Variants in FAM135B observed in about 807,000 individuals in gnomAD.
FAM135B encodes family with sequence similarity 135 member B, also known as protein FAM135B.
A neutral mutation model predicts 127.7 loss-of-function variants in FAM135B; 43 were observed. That is an observed-to-expected ratio of 0.34 (90% confidence interval 0.26 to 0.43). The LOEUF is 0.43. Among genes scored for constraint, FAM135B ranks in the 20% least tolerant of loss-of-function variants. The pLI is 1.00. For missense variants in FAM135B, 1,558 were observed against 1,725.6 expected, an observed-to-expected ratio of 0.90 and a Z score of 1.72; for synonymous variants, 670 against 665.1, an observed-to-expected ratio of 1.01 and a Z score of -0.11.
At chr8:138,307,035 A>G (rs1006248520) in intron 3 of FAM135B, among the ~76,000 whole-genome samples, 1 of 151,944 alleles carries the variant, frequency 6.6e-6, no homozygotes, top group African/African-American at 2.4e-5. Context: ...TTACCTTCAC[A>G]CTGAATGTTC....
At position 138,309,858 on chromosome 8, in the gene FAM135B, C is replaced by CTTTTTTT. The variant is rs145453026; in HGVS notation, c.157+976_157+982dup. Among the ~76,000 whole-genome samples, 114 of 86,744 alleles carry CTTTTTTT rather than the reference C, an allele frequency of 1.3e-3. 2 individuals carry two copies. Among genetic ancestry groups the CTTTTTTT allele is most frequent in the East Asian group, 6.5e-3 (19 of 2,934 alleles). 56.9% of individuals were successfully genotyped at this position (86,744 alleles called of 152,430 possible). A position where few individuals can be genotyped will look rare whatever the true frequency, so the allele number is the denominator to read the frequency against. On this transcript the variant is annotated intron_variant, in intron 3 of 19. Transcript: ENST00000395297. ...CTACCCTACTCTTTAAGTCTTTCTA[C>CTTTTTTT]TTTTTTTTTTTTTTTTTTTTTTTTG...
intron 1 of FAM135B, chr8:138,425,588 T>G (rs984019738): frequency 2.0e-5 from 3 of 152,128 alleles, no homozygotes; most frequent in African/African-American, 7.2e-5. Flanking sequence ...CTCATTGGCT[T>G]AAATGAACAT....
intron 5 of FAM135B, among the ~76,000 whole-genome samples, chr8:138,252,382 T>C (rs192428437): frequency 1.1e-3 from 167 of 152,266 alleles, no homozygotes; most frequent in Non-Finnish European, 1.4e-3. Context: ...TGTTTCTGAG[T>C]TACTGCTCAC....
intron 5 of FAM135B, among the ~76,000 whole-genome samples, chr8:138,256,428 AG>A (rs574760090): frequency 6.7e-4 from 102 of 152,310 alleles, no homozygotes; most frequent in Non-Finnish European, 8.8e-5. Flanking sequence ...GTCAGACATG[AG>A]AAAGTGCCAG....
intron 4 of FAM135B, among the ~76,000 whole-genome samples, chr8:138,263,244 G>A (rs575899192): frequency 1.3e-5 from 2 of 152,268 alleles, no homozygotes; most frequent in South Asian, 4.2e-4. Flanking sequence ...TTGGAAAGTG[G>A]TCCGTACCCG....
intron 19 of FAM135B, among the ~76,000 whole-genome samples, chr8:138,135,221 G>A (rs1816543278): frequency 6.6e-6 from 1 of 152,106 alleles, no homozygotes. Flanking sequence ...CTTTACCAAG[G>A]TTGAAATGTC....
intron 7 of FAM135B, among the ~76,000 whole-genome samples, chr8:138,234,390 A>T (rs868572379): frequency 6.6e-6 from 1 of 152,216 alleles, no homozygotes; most frequent in Non-Finnish European, 1.5e-5. Flanking sequence ...ATTTGAAATC[A>T]GGATCTCCAA....
At chr8:138,348,039 T>C (rs1411908885) in intron 2 of FAM135B, among the ~76,000 whole-genome samples, 1 of 151,756 alleles carries the variant, frequency 6.6e-6, no homozygotes, top group Admixed American at 6.6e-5. Context: ...GGTTCAAATA[T>C]GTACAATGAG....
At chr8:138,445,213 C>T (rs1287555064) in intron 1 of FAM135B, among the ~76,000 whole-genome samples, 6 of 152,190 alleles carry the variant, frequency 3.9e-5, no homozygotes, top group African/African-American at 1.4e-4. Context: ...CAGCCAAATT[C>T]TACCAGAGGT....
At chr8:138,393,911 T>C (rs1306633973) in intron 1 of FAM135B, among the ~76,000 whole-genome samples, 1 of 152,192 alleles carries the variant, frequency 6.6e-6, no homozygotes, top group African/African-American at 2.4e-5. Flanking sequence ...GCACTCCATA[T>C]GCCTAAGAGC....
intron 7 of FAM135B, among the ~76,000 whole-genome samples, chr8:138,207,837 G>A (rs1177713958): frequency 1.3e-5 from 2 of 152,170 alleles, no homozygotes; most frequent in Non-Finnish European, 2.9e-5. Context: ...CTCGGCCCTG[G>A]GGTAGCCTGG....
intron 3 of FAM135B, among the ~76,000 whole-genome samples, chr8:138,266,627 G>GTA (rs1045833199): frequency 9.5e-5 from 14 of 147,712 alleles, no homozygotes; most frequent in East Asian, 5.9e-4. Context: ...GTATATATGT[G>GTA]TATATATATA....
At chr8:138,375,796 G>A (rs1831432839) in intron 1 of FAM135B, among the ~76,000 whole-genome samples, 1 of 152,122 alleles carries the variant, frequency 6.6e-6, no homozygotes, top group Admixed American at 6.5e-5. Context: ...ACATGGTAGG[G>A]ATGGGGGGAA....
intron 9 of FAM135B, among the ~76,000 whole-genome samples, chr8:138,182,855 G>C (rs1201636701): frequency 6.6e-6 from 1 of 152,188 alleles, no homozygotes; most frequent in Non-Finnish European, 1.5e-5. Flanking sequence ...GTCTGGGCCC[G>C]TCTCAGATTC....
chr8:138,380,192 TTTTCTTTC>T (rs201370282), intron 1 of FAM135B, among the ~76,000 whole-genome samples: 4 of 151,748 alleles, frequency 2.6e-5, no homozygotes, highest in Admixed American at 6.6e-5. Flanking sequence ...TTTTCTTTTC[TTTTCTTTC>T]TTTCTTTCTT....
chr8:138,284,833 A>G (rs1824543114), intron 3 of FAM135B, among the ~76,000 whole-genome samples: 1 of 152,138 alleles, frequency 6.6e-6, no homozygotes, highest in East Asian at 1.9e-4. Flanking sequence ...TATTATTTAC[A>G]TAGTAACTGC....
At chr8:138,493,706 A>G (rs536437412) in intron 1 of FAM135B, among the ~76,000 whole-genome samples, 1 of 152,304 alleles carries the variant, frequency 6.6e-6, no homozygotes, top group Non-Finnish European at 1.5e-5. Context: ...ATTTTCTAGG[A>G]CGAAAATTAA....
chr8:138,163,613 T>C (rs1368212003), intron 12 of FAM135B, among the ~76,000 whole-genome samples: 1 of 152,162 alleles, frequency 6.6e-6, no homozygotes, highest in African/African-American at 2.4e-5. Context: ...TCATTCTCTC[T>C]TTGCCTGCTG....
At chr8:138,394,262 C>A (rs1464096775) in intron 1 of FAM135B, among the ~76,000 whole-genome samples, 2 of 152,170 alleles carry the variant, frequency 1.3e-5, no homozygotes, top group African/African-American at 4.8e-5. Context: ...CCATGGGCCA[C>A]CAGCTCCTGA....
Sources: allele counts gnomAD v4.1 joint callset (sites outside exome capture counted in the v4.1 genomes callset), GRCh38; gene constraint gnomAD v4.1.1; transcripts MANE v1.5; gene names NCBI Gene and HGNC (gene_info 2026-07-23, HGNC 2026-07-21).